Variants in SPNS3 observed in about 807,000 individuals in gnomAD.
The protein encoded by SPNS3 is protein spinster homolog 3.
In SPNS3, 51 loss-of-function variants were observed where a neutral mutation model predicts 54.4. The observed-to-expected ratio is 0.94, with a 90% confidence interval of 0.75 to 1.18. The LOEUF (loss-of-function observed/expected upper bound fraction) is 1.18, where lower values mean the gene tolerates loss of function less well. SPNS3 is among the 50% of genes most tolerant of loss of function. SPNS3 has a pLI of 0.00. For missense variants in SPNS3, 669 were observed against 677.4 expected, an observed-to-expected ratio of 0.99 and a Z score of 0.14; for synonymous variants, 309 against 294.7, an observed-to-expected ratio of 1.05 and a Z score of -0.50.
intron 5 of SPNS3, among the ~76,000 whole-genome samples, chr17:4,447,205 A>C (rs1218628815): frequency 1.3e-5 from 2 of 152,112 alleles, no homozygotes; most frequent in Non-Finnish European, 2.9e-5. Context: ...CAAGCAGATC[A>C]CCTTCTTCTT....
intron 8 of SPNS3, among the ~76,000 whole-genome samples, chr17:4,464,157 G>T (rs1487089299): frequency 2.0e-5 from 3 of 152,200 alleles, no homozygotes; most frequent in Non-Finnish European, 4.4e-5. Context: ...TTCCCTGGGG[G>T]AGCCCATGCC....
chr17:4,468,287 A>G (rs1399490923), intron 8 of SPNS3, among the ~76,000 whole-genome samples: 2 of 152,300 alleles, frequency 1.3e-5, no homozygotes, highest in Admixed American at 1.3e-4. Flanking sequence ...TTAAAAAAAC[A>G]AACAAAAAAT....
At chr17:4,458,912 C>T (rs1038564411) in intron 8 of SPNS3, among the ~76,000 whole-genome samples, 4 of 151,996 alleles carry the variant, frequency 2.6e-5, no homozygotes, top group South Asian at 2.1e-4. Context: ...CCCCTTATCC[C>T]GGCATTTAAA....
At chr17:4,447,686 G>C (rs1411339518) in intron 5 of SPNS3, among the ~76,000 whole-genome samples, 1 of 152,154 alleles carries the variant, frequency 6.6e-6, no homozygotes, top group East Asian at 1.9e-4. Flanking sequence ...TTTGAAGGCT[G>C]CCCCAAGGTG....
intron 2 of SPNS3, among the ~76,000 whole-genome samples, chr17:4,444,411 TG>T (rs1209534815): frequency 2.0e-5 from 3 of 151,564 alleles, no homozygotes; most frequent in South Asian, 2.1e-4. Context: ...TTAGTAGAGA[TG>T]GGGTTTCACT....
At chr17:4,452,881 C>T in intron 7 of SPNS3, 135 bp from the exon 8 acceptor site, 2 of 804,254 alleles carry the variant, frequency 2.5e-6, no homozygotes, top group Non-Finnish European at 3.9e-6. Flanking sequence ...AGGTCAGGGG[C>T]CCACAGCCAT....
In SPNS3 at chr17:4,483,938, T is replaced by C. The variant is rs1035553750; in HGVS notation, c.1180-2290T>C. ...CCACACCGTCGCTTACACTGTCCCC[T>C]GCCTGGAATGCCTTTCCCCGTCTCT... On this transcript the variant is annotated intron_variant, in intron 9 of 11. Transcript: ENST00000355530. The surrounding 1 kb of genome is among the most constrained non-coding windows in gnomAD (Gnocchi z 4.2). Among the ~76,000 whole-genome samples the C allele has an allele frequency of 1.3e-5, 2 of 152,232 alleles. No individual in the cohort carries two copies. The highest frequency in any genetic ancestry group is 4.8e-5 in the African/African-American group (2 of 41,466).
At chr17:4,475,604 G>A (rs550482880) in intron 8 of SPNS3, among the ~76,000 whole-genome samples, 14 of 152,300 alleles carry the variant, frequency 9.2e-5, no homozygotes, top group Non-Finnish European at 1.3e-4. Flanking sequence ...TGACCAGTCC[G>A]CGCCTGGGGC....
intron 8 of SPNS3, among the ~76,000 whole-genome samples, chr17:4,462,708 TCCATCCATCCACCCAC>T (rs1971557217): frequency 1.5e-4 from 3 of 19,834 alleles, no homozygotes; most frequent in Admixed American, 9.1e-4. Flanking sequence ...CATCCATCCA[TCCATCCATCCACCCAC>T]CCACCCATCC....
In SPNS3 at chr17:4,433,987, C is replaced by A; in HGVS notation, c.20C>A (p.Ala7Glu). Reference protein sequence around the residue: MAGGMSAECPEPGPGGL... With the variant: MAGGMSEECPEPGPGGL... ...GCTGGCATGGCTGGGGGGATGTCAGCGGAGTGCCCTGAGCCTGGGCCAGGA... is the reference window on the plus strand; with the variant it reads ...GCTGGCATGGCTGGGGGGATGTCAGAGGAGTGCCCTGAGCCTGGGCCAGGA... The change falls in exon 1 of 12, where the codon GCG becomes GAG. Residue 7 changes from alanine (A) to glutamate (E), a missense_variant. By Grantham distance (107) the Ala-to-Glu change is moderately radical. Coordinates refer to ENST00000355530, the MANE Select transcript of SPNS3 (RefSeq NM_182538.5). The A allele has an allele frequency of 6.4e-7, 1 of 1,555,350 alleles. No individual in the cohort carries two copies. Among genetic ancestry groups the A allele is most frequent in the Non-Finnish European group, 8.7e-7 (1 of 1,149,946 alleles).
At chr17:4,445,450 AC>A (rs961759072) in intron 3 of SPNS3, among the ~76,000 whole-genome samples, 4 of 149,994 alleles carry the variant, frequency 2.7e-5, no homozygotes, top group Non-Finnish European at 5.9e-5. Context: ...ATCTCGACTC[AC>A]TGCAAACTCT....
chr17:4,469,739 A>G (rs1971806424), intron 8 of SPNS3, among the ~76,000 whole-genome samples: 1 of 152,086 alleles, frequency 6.6e-6, no homozygotes, highest in Non-Finnish European at 1.5e-5. Context: ...ATGAGCATAG[A>G]CCTGAAGCTC....
chr17:4,476,286 G>A (rs1971998654), intron 8 of SPNS3, among the ~76,000 whole-genome samples: 2 of 152,194 alleles, frequency 1.3e-5, no homozygotes, highest in Non-Finnish European at 2.9e-5. Context: ...TGGCATCGTC[G>A]GGCGGCTTCT....
chr17:4,481,748 C>T (rs548983588), intron 9 of SPNS3, among the ~76,000 whole-genome samples: 45 of 152,282 alleles, frequency 3.0e-4, no homozygotes, highest in South Asian at 6.2e-4. Flanking sequence ...GTAGGTAGAG[C>T]GGTGGCAACC....
chr17:4,456,075 C>T lies in SPNS3; in HGVS notation c.1113+2870C>T, dbSNP rs368302206. Among the ~76,000 whole-genome samples the T allele has an allele frequency of 1.1e-4, 16 of 152,256 alleles. No individual in the cohort carries two copies. The East Asian group carries it at 2.9e-3, about 28-fold the overall frequency. ...CCAGCAATCCTCTTGCCTCAGCCTC[C>T]TGAACAACTGGGACTACAGGCGTGC... On this transcript the variant is annotated intron_variant, in intron 8 of 11. Coordinates refer to ENST00000355530, the MANE Select transcript of SPNS3 (RefSeq NM_182538.5).
At chr17:4,482,843 G>C (rs1466420970) in intron 9 of SPNS3, among the ~76,000 whole-genome samples, 1 of 152,170 alleles carries the variant, frequency 6.6e-6, no homozygotes, top group Non-Finnish European at 1.5e-5. Flanking sequence ...TCCCCCTCCA[G>C]GCAGGGGACA....
chr17:4,455,206 G>A (rs1362092707), intron 8 of SPNS3, among the ~76,000 whole-genome samples: 2 of 152,284 alleles, frequency 1.3e-5, no homozygotes, highest in East Asian at 1.9e-4. Context: ...GAGCCATCAC[G>A]CCCAGCCCCA....
intron 9 of SPNS3, among the ~76,000 whole-genome samples, chr17:4,484,413 C>T (rs556343171): frequency 1.3e-5 from 2 of 152,266 alleles, no homozygotes; most frequent in East Asian, 1.9e-4. Flanking sequence ...CTCCACCTCC[C>T]GGGTTCAAGC....
At chr17:4,469,806 G>A (rs1466779424) in intron 8 of SPNS3, among the ~76,000 whole-genome samples, 1 of 152,012 alleles carries the variant, frequency 6.6e-6, no homozygotes, top group Non-Finnish European at 1.5e-5. Flanking sequence ...TGCTACCGTG[G>A]TGAGGTCAAG....
Sources: gnomAD v4.1 joint callset for allele counts (sites outside exome capture counted in the v4.1 genomes callset) on GRCh38, gnomAD v4.1.1 for gene constraint, Gnocchi (gnomAD v3.1) non-coding constraint, MANE v1.5 for transcripts, NCBI Gene and HGNC (gene_info 2026-07-23, HGNC 2026-07-21) for gene names.